Variants in SLC13A1 observed in about 807,000 individuals in gnomAD.
SLC13A1 encodes solute carrier family 13 member 1, also known as Na(+)/sulfate cotransporter.
In SLC13A1, 65 loss-of-function variants were observed where a neutral mutation model predicts 70.0. The observed-to-expected ratio is 0.93, with a 90% CI of 0.76 to 1.14. SLC13A1 has a LOEUF of 1.14. Among genes scored for constraint, SLC13A1 ranks in the 50% most tolerant of loss-of-function variants. The pLI is 0.00. For synonymous variants in SLC13A1, 275 were observed against 250.5 expected (o/e 1.10, Z -0.92); for missense variants, 726 against 717.8 (o/e 1.01, Z -0.13).
At position 123,195,194 on chromosome 7, in the gene SLC13A1, C is replaced by G. The variant is rs150905398; in HGVS notation, c.99+4654G>C. Among the ~76,000 whole-genome samples the G allele has an allele frequency of 1.3e-3, 203 of 152,090 alleles. 1 individual carries two copies. Among genetic ancestry groups the G allele is most frequent in the African/African-American group, 4.5e-3 (188 of 41,526 alleles). On this transcript the variant is annotated intron_variant, in intron 1 of 14. Transcript: ENST00000194130. Reference sequence around the variant, plus strand: ...CCAAAATTGGATTTTCTGGTTTTGTCGAACTACCACATTGCTATTAGCATT... The same window carrying G: ...CCAAAATTGGATTTTCTGGTTTTGTGGAACTACCACATTGCTATTAGCATT...
rs775537466 is a variant in SLC13A1 at position 123,171,762 on chromosome 7, A to C, written c.365+6T>G. The C allele has an allele frequency of 6.2e-7, 1 of 1,613,694 alleles. No homozygotes were observed. Among genetic ancestry groups the C allele is most frequent in the Non-Finnish European group, 8.5e-7 (1 of 1,179,774 alleles). On this transcript the variant is annotated splice_donor_region_variant and intron_variant, in intron 3 of 14. Coordinates refer to ENST00000194130, the MANE Select transcript of SLC13A1 (RefSeq NM_022444.4). ...GTAAACTGGAAGCAGTAAATGCAGT[A>C]CTTACCATGCAGGATTTACACCAAC...
intron 6 of SLC13A1, among the ~76,000 whole-genome samples, chr7:123,148,128 T>A (rs1027238025): frequency 2.0e-5 from 3 of 152,150 alleles, no homozygotes; most frequent in African/African-American, 7.2e-5. Context: ...ACACAAAAAA[T>A]AAATCCATTT....
At chr7:123,148,638 CA>C (rs1408473760) in intron 6 of SLC13A1, 1 of 331,942 alleles carries the variant, frequency 3.0e-6, no homozygotes, top group African/African-American at 2.2e-5. Context: ...AATGGTTTTT[CA>C]GTTATGTTTA....
At chr7:123,133,631 G>A (rs991423710) in intron 8 of SLC13A1, among the ~76,000 whole-genome samples, 4 of 151,828 alleles carry the variant, frequency 2.6e-5, no homozygotes, top group African/African-American at 4.8e-5. Flanking sequence ...TCCGCCTCCC[G>A]GGTTCAAGCA....
Position 123,114,868 on chromosome 7 carries a change from T to A in SLC13A1, c.*650A>T, listed in dbSNP as rs1429773131. ...ATAGAGTTCAGTAGAAATAAATTCT[T>A]ATCTGTAACTTTTCTGTTATTTAGT... On this transcript the variant is annotated 3_prime_UTR_variant, in exon 15 of 15. Coordinates refer to ENST00000194130, the MANE Select transcript of SLC13A1 (RefSeq NM_022444.4). The A allele has an allele frequency of 1.3e-5, 2 of 152,228 alleles. No individual in the cohort carries two copies. Among genetic ancestry groups the A allele is most frequent in the African/African-American group, 2.4e-5 (1 of 41,468 alleles). The allele number at this position is 152,228 out of a possible 1,614,324, so 9.4% of individuals were successfully genotyped here.
At chr7:123,156,595 T>C (rs1309327900) in intron 6 of SLC13A1, among the ~76,000 whole-genome samples, 1 of 152,154 alleles carries the variant, frequency 6.6e-6, no homozygotes, top group African/African-American at 2.4e-5. Context: ...TAACAGATTA[T>C]GTTATTTAAT....
At chr7:123,191,033 A>C (rs191734756) in intron 1 of SLC13A1, among the ~76,000 whole-genome samples, 32 of 151,562 alleles carry the variant, frequency 2.1e-4, no homozygotes, top group Non-Finnish European at 3.7e-4. Context: ...GTATTTTGAA[A>C]TTTTATTTTC....
intron 9 of SLC13A1, 98 bp from the exon 10 acceptor site, chr7:123,129,044 C>T: frequency 1.2e-6 from 1 of 810,154 alleles, no homozygotes; most frequent in Non-Finnish European, 2.1e-6. Context: ...CAGTAGAACA[C>T]TAAACACTGT....
chr7:123,149,513 G>A (rs989033720), intron 6 of SLC13A1: 6 of 456,304 alleles, frequency 1.3e-5, no homozygotes, highest in African/African-American at 1.0e-4. Context: ...TGGGGCACTG[G>A]GGAAATACTC....
rs745767536 is a variant in SLC13A1, at chr7:123,128,922, G to A, written c.1056C>T (p.Val352=). 1.2e-6 allele frequency: 2 copies of A among 1,613,198 alleles called. No individual in the cohort carries two copies. Among genetic ancestry groups the A allele is most frequent in the Non-Finnish European group, 1.7e-6 (2 of 1,179,448 alleles). ...ATAGCAGAGCCATTATAATGAAGAG[G>A]ACCAAGGTCACAATTTCTTGATACC... The part of the protein sequence containing the change: ...PIRYQEIVTL[V]LFIIMALLWF... The change falls in exon 10 of 15, where the codon GTC becomes GTT. Residue 352 remains valine (V), a synonymous_variant. Transcript: ENST00000194130.
chr7:123,168,305 A>C, intron 6 of SLC13A1, 69 bp downstream of exon 6: 7 of 1,019,906 alleles, frequency 6.9e-6, no homozygotes, highest in Non-Finnish European at 1.0e-5. Context: ...TTTAAAATGC[A>C]TATGTATCTA....
intron 11 of SLC13A1, among the ~76,000 whole-genome samples, chr7:123,124,740 C>T (rs564469236): frequency 4.6e-5 from 7 of 152,082 alleles, no homozygotes; most frequent in South Asian, 2.1e-4. Flanking sequence ...CAAATGTGCA[C>T]ACTTCTTTGT....
At chr7:123,121,076 G>T (rs1793362350) in intron 12 of SLC13A1, among the ~76,000 whole-genome samples, 2 of 151,750 alleles carry the variant, frequency 1.3e-5, no homozygotes, top group Admixed American at 6.6e-5. Flanking sequence ...CCTGTTAGTT[G>T]ACTGTTGAAC....
chr7:123,142,991 T>C (rs2116391084), intron 7 of SLC13A1, among the ~76,000 whole-genome samples: 1 of 152,184 alleles, frequency 6.6e-6, no homozygotes, highest in South Asian at 2.1e-4. Flanking sequence ...ACAGATTTCA[T>C]TCTGGCCCAG....
chr7:123,135,903 G>T (rs1443034100), intron 7 of SLC13A1, among the ~76,000 whole-genome samples: 2 of 152,164 alleles, frequency 1.3e-5, no homozygotes, highest in South Asian at 2.1e-4. Flanking sequence ...TAGAAAATGT[G>T]CAGTGTGATG....
intron 2 of SLC13A1, 96 bp from the exon 3 acceptor site, chr7:123,172,000 T>TCAAC (rs1292081578): frequency 1.8e-6 from 2 of 1,088,742 alleles, no homozygotes; most frequent in Non-Finnish European, 2.7e-6. Context: ...ATTTTGACCT[T>TCAAC]CAACCGCATA....
chr7:123,195,179 A>G (rs1796139365), intron 1 of SLC13A1, among the ~76,000 whole-genome samples: 2 of 151,918 alleles, frequency 1.3e-5, no homozygotes, highest in South Asian at 4.1e-4. Flanking sequence ...CCAAAATTGG[A>G]TTTTCTGGTT....
intron 1 of SLC13A1, among the ~76,000 whole-genome samples, chr7:123,192,031 C>T (rs1796013029): frequency 6.6e-6 from 1 of 152,128 alleles, no homozygotes; most frequent in Non-Finnish European, 1.5e-5. Flanking sequence ...AAACTTCTTT[C>T]TCTTTGCCTT....
chr7:123,136,684 G>T (rs1585311510), intron 7 of SLC13A1, among the ~76,000 whole-genome samples: 1 of 152,258 alleles, frequency 6.6e-6, no homozygotes, highest in East Asian at 1.9e-4. Flanking sequence ...GGGCTTTCAT[G>T]AACTTTATGT....
Sources: gnomAD v4.1 joint callset for allele counts (sites outside exome capture counted in the v4.1 genomes callset) on GRCh38, gnomAD v4.1.1 for gene constraint, MANE v1.5 for transcripts, NCBI Gene and HGNC (gene_info 2026-07-23, HGNC 2026-07-21) for gene names.